The following TRIO variants were observed in gnomAD, a reference collection of about 807,000 sequenced individuals.
The protein encoded by TRIO is trio Rho guanine nucleotide exchange factor, also known as triple functional domain protein.
A neutral mutation model predicts 351.9 loss-of-function variants in TRIO; 58 were observed. That is an observed-to-expected ratio of 0.16 (90% CI 0.13 to 0.21). TRIO has a LOEUF of 0.21. Ranked by LOEUF, TRIO falls within the 10% of genes least tolerant of loss-of-function variation. TRIO has a pLI of 1.00. For missense variants in TRIO, 3,201 were observed against 4,027.8 expected (o/e 0.79, Z 5.56); for synonymous variants, 1,758 against 1,595.7 (o/e 1.10, Z -2.42).
intron 55 of TRIO, 178 bp downstream of exon 55, chr5:14,504,771 C>A: frequency 1.3e-6 from 1 of 760,768 alleles, no homozygotes; most frequent in Non-Finnish European, 2.1e-6. Context: ...TGGCAGAAAG[C>A]AGTGTGGTCT....
chr5:14,493,098 G>GT (rs530091344), intron 49 of TRIO, among the ~76,000 whole-genome samples: 1 of 152,280 alleles, frequency 6.6e-6, no homozygotes, highest in East Asian at 1.9e-4. Flanking sequence ...TCAAGAAAGT[G>GT]TTGTTTGTTT....
chr5:14,207,319 CA>C (rs1190234504), intron 1 of TRIO, among the ~76,000 whole-genome samples: 341 of 15,678 alleles, frequency 0.022, 97 homozygotes, highest in South Asian at 0.07. Context: ...GACTGTCTCT[CA>C]CACACACACA....
At chr5:14,295,801 C>T (rs1296543218) in intron 6 of TRIO, among the ~76,000 whole-genome samples, 1 of 152,168 alleles carries the variant, frequency 6.6e-6, no homozygotes, top group Non-Finnish European at 1.5e-5. Context: ...CTGAGCATGG[C>T]TTGACTGTTG....
At chr5:14,367,071 A>T in intron 16 of TRIO, 92 bp downstream of exon 16, 1 of 1,545,620 alleles carries the variant, frequency 6.5e-7, no homozygotes, top group Non-Finnish European at 8.8e-7. Flanking sequence ...CATGGGAACC[A>T]CATGGGGCTG....
intron 34 of TRIO, among the ~76,000 whole-genome samples, chr5:14,434,041 T>G (rs80098406): frequency 0.048 from 7,250 of 152,252 alleles, 190 homozygotes; most frequent in Admixed American, 0.059. Flanking sequence ...TGGCAGAAAT[T>G]ACTTGTCTCA....
At chr5:14,347,137 C>T (rs879454951) in intron 11 of TRIO, among the ~76,000 whole-genome samples, 2 of 9,566 alleles carry the variant, frequency 2.1e-4, no homozygotes, top group Non-Finnish European at 1.9e-4. Flanking sequence ...TCATCTCAGG[C>T]GGACCTGAGG....
chr5:14,329,780 A>G (rs1415385267), intron 9 of TRIO, among the ~76,000 whole-genome samples: 5 of 152,252 alleles, frequency 3.3e-5, no homozygotes, highest in African/African-American at 1.2e-4. Flanking sequence ...TCCATCAAAG[A>G]GGACAAAGTG....
chr5:14,381,664 T>G (rs1332542682), intron 21 of TRIO, among the ~76,000 whole-genome samples: 2 of 152,188 alleles, frequency 1.3e-5, no homozygotes, highest in Non-Finnish European at 2.9e-5. Context: ...TCACCGTCTT[T>G]AGATGGTGAA....
chr5:14,447,877 T>C (rs1752555164), intron 34 of TRIO, among the ~76,000 whole-genome samples: 1 of 152,212 alleles, frequency 6.6e-6, no homozygotes. Flanking sequence ...GAAGGCAGAC[T>C]CAGATGGACA....
At chr5:14,447,968 A>G (rs1752559508) in intron 34 of TRIO, among the ~76,000 whole-genome samples, 1 of 152,236 alleles carries the variant, frequency 6.6e-6, no homozygotes, top group South Asian at 2.1e-4. Flanking sequence ...TTGTCTATTC[A>G]GGACAATAAT....
intron 1 of TRIO, among the ~76,000 whole-genome samples, chr5:14,152,796 C>G (rs115493596): frequency 1.3e-5 from 2 of 152,220 alleles, no homozygotes; most frequent in Admixed American, 6.5e-5. Context: ...CTTTTACTCA[C>G]GTGCCAATTC....
intron 33 of TRIO, among the ~76,000 whole-genome samples, chr5:14,411,440 G>C (rs1345414513): frequency 6.6e-6 from 1 of 152,244 alleles, no homozygotes; most frequent in Admixed American, 6.5e-5. Flanking sequence ...GCCCGAGCCA[G>C]CAGGGCCCAG....
chr5:14,153,739 A>G (rs577975458), intron 1 of TRIO, among the ~76,000 whole-genome samples: 2 of 152,314 alleles, frequency 1.3e-5, no homozygotes, highest in East Asian at 3.9e-4. Context: ...CTGGCAGATT[A>G]CAAAGCCCCC....
At chr5:14,494,231 A>G (rs933168309) in intron 49 of TRIO, among the ~76,000 whole-genome samples, 4 of 152,192 alleles carry the variant, frequency 2.6e-5, no homozygotes, top group African/African-American at 9.7e-5. Flanking sequence ...GTTTTGCTGC[A>G]CTGAGTATTA....
intron 8 of TRIO, among the ~76,000 whole-genome samples, chr5:14,315,565 T>G (rs1221867371): frequency 6.6e-6 from 1 of 151,732 alleles, no homozygotes; most frequent in African/African-American, 2.4e-5. Flanking sequence ...TACTAGAAAC[T>G]CAAAGAGGTT....
At chr5:14,220,498 ACC>A (rs746671658) in intron 1 of TRIO, among the ~76,000 whole-genome samples, 1 of 152,356 alleles carries the variant, frequency 6.6e-6, no homozygotes. Context: ...AAATGATTAA[ACC>A]TAGTGAAGAA....
intron 2 of TRIO, among the ~76,000 whole-genome samples, chr5:14,273,434 C>G (rs1370063248): frequency 6.6e-6 from 1 of 152,186 alleles, no homozygotes; most frequent in Non-Finnish European, 1.5e-5. Context: ...AGGATGAACT[C>G]AGTGAGGTTA....
chr5:14,388,539 C>A, intron 23 of TRIO, 74 bp from the exon 24 acceptor site: 1 of 1,419,226 alleles, frequency 7.0e-7, no homozygotes. Flanking sequence ...TCTGTTATTT[C>A]ATAAATCCAT....
intron 55 of TRIO, among the ~76,000 whole-genome samples, chr5:14,505,812 G>A (rs1401880942): frequency 2.0e-5 from 3 of 152,180 alleles, no homozygotes; most frequent in Non-Finnish European, 4.4e-5. Context: ...ACATGGGGAC[G>A]TGCTTCCAGC....
Sources: gnomAD v4.1 joint callset for allele counts (sites outside exome capture counted in the v4.1 genomes callset) on GRCh38, gnomAD v4.1.1 for gene constraint, MANE v1.5 for transcripts, NCBI Gene and HGNC (gene_info 2026-07-23, HGNC 2026-07-21) for gene names.